CELF2: variants seen among roughly 807,000 people sequenced by gnomAD.
CELF2 encodes CUGBP Elav-like family member 2.
In CELF2, 8 loss-of-function variants were observed where a neutral mutation model predicts 62.6. The observed-to-expected ratio is 0.13, with a 90% CI of 0.07 to 0.23. The LOEUF is 0.23. Among genes scored for constraint, CELF2 ranks in the 10% least tolerant of loss-of-function variants. The pLI is 1.00. For synonymous variants in CELF2, 258 were observed against 250.0 expected, an observed-to-expected ratio of 1.03 and a Z score of -0.30; for missense variants, 333 against 671.0, an observed-to-expected ratio of 0.50 and a Z score of 5.56.
At chr10:10,833,364 A>C (rs1002087502) in intron 1 of CELF2, among the ~76,000 whole-genome samples, 10 of 152,184 alleles carry the variant, frequency 6.6e-5, no homozygotes, top group African/African-American at 2.4e-4. Flanking sequence ...GTGTTCATTA[A>C]ACTGATGCTG....
In CELF2 at chr10:11,290,947, TC is replaced by T. The variant is rs1355113954; in HGVS notation, c.976+2397del. Among the ~76,000 whole-genome samples, 2 of 152,254 alleles carry T rather than the reference TC, an allele frequency of 1.3e-5. No homozygotes were observed. The highest frequency in any genetic ancestry group is 2.9e-5 in the Non-Finnish European group (2 of 68,042). Reference sequence around the variant, plus strand: ...GTGAAAGTAAATTATTTGTCTAATTTCCATCAGGGACTTTTTGAAAGTCACA... The same window carrying T: ...GTGAAAGTAAATTATTTGTCTAATTTCATCAGGGACTTTTTGAAAGTCACA... On this transcript the variant is annotated intron_variant, in intron 9 of 12. Transcript: ENST00000633077. The surrounding 1 kb of genome is among the most constrained non-coding windows in gnomAD (Gnocchi z 4.3).
chr10:10,510,797 T>C, the CELF2 span, among the ~76,000 whole-genome samples: 1 of 152,300 alleles, frequency 6.6e-6, no homozygotes, highest in Admixed American at 6.5e-5. Context: ...TCCACGAAGG[T>C]GATCTCTGAG....
Position 11,306,122 on chromosome 10 carries a change from G to C in CELF2, c.977-8017G>C, listed in dbSNP as rs918968360. Among the ~76,000 whole-genome samples the C allele has an allele frequency of 2.0e-5, 3 of 152,292 alleles. No individual in the cohort carries two copies. Among genetic ancestry groups the C allele is most frequent in the Non-Finnish European group, 4.4e-5 (3 of 68,028 alleles). On this transcript the variant is annotated intron_variant, in intron 9 of 12. Transcript: ENST00000633077. The surrounding 1 kb of genome is among the most constrained non-coding windows in gnomAD (Gnocchi z 4.4). ...ACGTATCCAAGTTATTGCAGCCACT[G>C]TGCGAGCAAGGTGAGGTGCACTTTG...
chr10:10,965,197 G>A (rs562716608), intron 2 of CELF2, among the ~76,000 whole-genome samples: 2 of 152,178 alleles, frequency 1.3e-5, no homozygotes, highest in East Asian at 3.9e-4. Flanking sequence ...AATGAATATA[G>A]CCCTCTCTCT....
At chr10:10,601,292 A>T in the CELF2 span, among the ~76,000 whole-genome samples, 1 of 152,226 alleles carries the variant, frequency 6.6e-6, no homozygotes, top group Non-Finnish European at 1.5e-5. Context: ...AAGTCACTTA[A>T]AGTCATTGTT....
chr10:10,846,228 C>A, intron 1 of CELF2: 1 of 406,144 alleles, frequency 2.5e-6, no homozygotes, highest in Non-Finnish European at 3.3e-6. Context: ...TACGATATGG[C>A]CTCCTCATAT....
At chr10:11,278,908 G>C (rs886386858) in intron 8 of CELF2, among the ~76,000 whole-genome samples, 1 of 152,196 alleles carries the variant, frequency 6.6e-6, no homozygotes, top group African/African-American at 2.4e-5. Flanking sequence ...CACTAAGCTA[G>C]TAGGTGGCAG....
At chr10:10,727,595 T>C in the CELF2 span, among the ~76,000 whole-genome samples, 1 of 151,652 alleles carries the variant, frequency 6.6e-6, no homozygotes, top group Admixed American at 6.6e-5. Flanking sequence ...GCTAACACAG[T>C]GAAACCCCGT....
the CELF2 span, among the ~76,000 whole-genome samples, chr10:10,612,181 A>G: frequency 6.6e-6 from 1 of 152,148 alleles, no homozygotes; most frequent in Admixed American, 6.6e-5. Context: ...TGGGGGAACT[A>G]TGAAAAAAAT....
At position 11,243,013 on chromosome 10, in the gene CELF2, G is replaced by A. The variant is rs2074450287; in HGVS notation, c.355-6140G>A. ...AGAAGCTTAGCTTTGGGGTAGAAGG[G>A]ACAGTGGGCCAGGGGCCTTCCCTCA... On this transcript the variant is annotated intron_variant, in intron 3 of 12. Coordinates refer to ENST00000633077, the MANE Select transcript of CELF2 (RefSeq NM_001326342.2). The surrounding 1 kb of genome is among the most constrained non-coding windows in gnomAD (Gnocchi z 4.1). 6.6e-6 allele frequency among the ~76,000 whole-genome samples: 1 copy of A among 152,200 alleles called. No individual in the cohort carries two copies. The highest frequency in any genetic ancestry group is 2.4e-5 in the African/African-American group (1 of 41,446).
intron 1 of CELF2, among the ~76,000 whole-genome samples, chr10:10,799,297 T>C (rs73581101): frequency 0.016 from 2,402 of 149,680 alleles, 70 homozygotes; most frequent in African/African-American, 0.056. Context: ...CTGGCCAACA[T>C]GGCAAAACCA....
At chr10:10,766,589 G>A in the CELF2 span, among the ~76,000 whole-genome samples, 10 of 152,180 alleles carry the variant, frequency 6.6e-5, no homozygotes, top group East Asian at 1.9e-4. Context: ...ACTGCTGGAG[G>A]TTAGGTACTC....
intron 2 of CELF2, among the ~76,000 whole-genome samples, chr10:10,950,525 C>A (rs539030956): frequency 6.6e-6 from 1 of 152,244 alleles, no homozygotes; most frequent in African/African-American, 2.4e-5. Flanking sequence ...CGTATGATTT[C>A]TTTAATAGCG....
At chr10:10,962,952 C>A (rs1269585093) in intron 2 of CELF2, among the ~76,000 whole-genome samples, 2 of 152,068 alleles carry the variant, frequency 1.3e-5, no homozygotes, top group African/African-American at 4.8e-5. Context: ...ACGTGCAATG[C>A]CATCTTGGTA....
At chr10:11,103,293 A>G (rs944263952) in intron 1 of CELF2, among the ~76,000 whole-genome samples, 6 of 151,540 alleles carry the variant, frequency 4.0e-5, no homozygotes, top group Non-Finnish European at 7.4e-5. Flanking sequence ...TTCAACTCAG[A>G]TGTAATTTTT....
chr10:11,091,155 T>G (rs148756864), intron 1 of CELF2, among the ~76,000 whole-genome samples: 1 of 152,228 alleles, frequency 6.6e-6, no homozygotes, highest in African/African-American at 2.4e-5. Flanking sequence ...CTTTTTTGTC[T>G]AATCAGCTTC....
At chr10:10,734,008 C>T in the CELF2 span, among the ~76,000 whole-genome samples, 5 of 152,146 alleles carry the variant, frequency 3.3e-5, no homozygotes, top group African/African-American at 7.2e-5. Flanking sequence ...TTTTATAAAA[C>T]CTCAATAATC....
chr10:11,169,192 T>A (rs1392274075), intron 2 of CELF2: 1 of 152,210 alleles, frequency 6.6e-6, no homozygotes, highest in Non-Finnish European at 1.5e-5. Flanking sequence ...ATGATGATCA[T>A]AGTTGTTGTT....
the CELF2 span, among the ~76,000 whole-genome samples, chr10:10,743,874 C>T: frequency 1.3e-5 from 2 of 151,198 alleles, no homozygotes; most frequent in Admixed American, 1.3e-4. Flanking sequence ...AAACACATAT[C>T]GATACAAATA....
Sources: gnomAD v4.1 joint callset for allele counts (sites outside exome capture counted in the v4.1 genomes callset) on GRCh38, gnomAD v4.1.1 for gene constraint, Gnocchi (gnomAD v3.1) non-coding constraint, MANE v1.5 for transcripts, NCBI Gene and HGNC (gene_info 2026-07-23, HGNC 2026-07-21) for gene names.